The following IFT80 variants were observed in gnomAD, a reference collection of about 807,000 sequenced individuals.
IFT80 encodes the protein intraflagellar transport 80, also known as intraflagellar transport protein 80 homolog.
In IFT80, 79 loss-of-function variants were observed where a neutral mutation model predicts 107.9. The observed-to-expected ratio is 0.73, with a 90% CI of 0.61 to 0.88. The LOEUF is 0.88. IFT80 is among the 40% of genes least tolerant of loss of function. The pLI, the probability that IFT80 is intolerant of heterozygous loss-of-function variation, is 0.00. For missense variants in IFT80, 797 were observed against 914.2 expected (o/e 0.87, Z 1.65); for synonymous variants, 299 against 300.9 (o/e 0.99, Z 0.07).
intron 10 of IFT80, among the ~76,000 whole-genome samples, chr3:160,307,224 T>G (rs1319762681): frequency 1.3e-5 from 2 of 152,154 alleles, no homozygotes; most frequent in East Asian, 3.8e-4. Flanking sequence ...CACAGCTCAC[T>G]GCACCCTAGA....
chr3:160,399,067 A>C (rs1714131498), intron 1 of IFT80, 79 bp downstream of exon 1: 1 of 152,270 alleles, frequency 6.6e-6, no homozygotes, highest in Non-Finnish European at 1.5e-5. Flanking sequence ...CACAGCTTCA[A>C]AACAGGAAAG....
chr3:160,263,940 G>A (rs1234305474), intron 19 of IFT80, among the ~76,000 whole-genome samples: 1 of 152,102 alleles, frequency 6.6e-6, no homozygotes, highest in African/African-American at 2.4e-5. Flanking sequence ...CAAAGTGCTG[G>A]GATTACAGGC....
chr3:160,324,059 C>T (rs947465488), intron 8 of IFT80, among the ~76,000 whole-genome samples: 12 of 152,160 alleles, frequency 7.9e-5, no homozygotes, highest in Non-Finnish European at 1.5e-4. Context: ...GACGCATACA[C>T]TCTCCCAAGA....
rs559694666 is a variant in IFT80 at position 160,267,220 on chromosome 3, G to A, written c.2223+1193C>T. Among the ~76,000 whole-genome samples the A allele has an allele frequency of 1.1e-4, 17 of 152,202 alleles. No homozygotes were observed. In the South Asian group the frequency reaches 1.7e-3, roughly 15 times the overall value. ...GCAAAAATGTAGATCAAGACACTACGTATTCTAAATACAATAAGTAGATAA... is the reference window on the plus strand; with the variant it reads ...GCAAAAATGTAGATCAAGACACTACATATTCTAAATACAATAAGTAGATAA... On this transcript the variant is annotated intron_variant, in intron 19 of 19. Transcript: ENST00000326448.
Position 160,279,382 on chromosome 3 carries a change from A to G in IFT80, c.1665-18T>C. 1 of 1,606,412 alleles carries G rather than the reference A, an allele frequency of 6.2e-7. No homozygotes were observed. The highest frequency in any genetic ancestry group is 1.1e-5 in the South Asian group (1 of 90,868). On this transcript the variant is annotated intron_variant, in intron 15 of 19. Coordinates refer to ENST00000326448, the MANE Select transcript of IFT80 (RefSeq NM_020800.3). ...TAAATTCACTGTTGAAAAAAAAAGC[A>G]AAGTACAATTTAAAGTTGTATTCTG...
intron 13 of IFT80, among the ~76,000 whole-genome samples, chr3:160,285,506 C>T (rs774112541): frequency 1.1e-4 from 16 of 152,072 alleles, no homozygotes; most frequent in Non-Finnish European, 1.8e-4. Context: ...CTGGTAAGTG[C>T]TAAAATTTTA....
chr3:160,396,902 A>G (rs1270864293), intron 1 of IFT80, among the ~76,000 whole-genome samples: 1 of 151,840 alleles, frequency 6.6e-6, no homozygotes. Context: ...ATTTAAGTCT[A>G]CTCTGTAGCT....
chr3:160,376,596 C>G (rs937697354), intron 4 of IFT80, among the ~76,000 whole-genome samples: 2 of 152,216 alleles, frequency 1.3e-5, no homozygotes, highest in African/African-American at 4.8e-5. Context: ...TAATTTCCCT[C>G]TCTTCCACTG....
At chr3:160,317,152 A>G (rs113576930) in intron 9 of IFT80, among the ~76,000 whole-genome samples, 313 of 152,204 alleles carry the variant, frequency 2.1e-3, no homozygotes, top group African/African-American at 7.1e-3. Context: ...ACTTAGCCCA[A>G]TGCCTGGCAA....
chr3:160,261,347 G>C (rs1712809192), intron 19 of IFT80, among the ~76,000 whole-genome samples: 1 of 151,264 alleles, frequency 6.6e-6, no homozygotes, highest in Non-Finnish European at 1.5e-5. Context: ...GATTGTCTGA[G>C]GTACAAGGAT....
Position 160,381,621 on chromosome 3 carries a change from T to G in IFT80, c.141A>C (p.Thr47=). The G allele has an allele frequency of 6.2e-7, 1 of 1,613,106 alleles. No individual in the cohort carries two copies. Among genetic ancestry groups the G allele is most frequent in the Non-Finnish European group, 8.5e-7 (1 of 1,179,904 alleles). The change falls in exon 3 of 20, where the codon ACA becomes ACC. Residue 47 remains threonine, a synonymous_variant. Coordinates refer to ENST00000326448, the MANE Select transcript of IFT80 (RefSeq NM_020800.3). The stretch of plus-strand genomic sequence containing the variant: ...CATCAGGAAGCTTTACTATTTGAGT[T>G]GTTTCACTGGTTAACAAGTTCCACT... ...IVKWNLLTSE[T]TQIVKLPDDI... is the part of the protein sequence containing the mutation.
intron 18 of IFT80, 38 bp downstream of exon 18, chr3:160,277,268 A>G (rs1714339647): frequency 6.3e-7 from 1 of 1,577,402 alleles, no homozygotes; most frequent in East Asian, 2.2e-5. Flanking sequence ...CATTAAGGTC[A>G]AACAGATTTT....
chr3:160,389,271 T>C (rs1282267338), intron 1 of IFT80, among the ~76,000 whole-genome samples: 1 of 152,202 alleles, frequency 6.6e-6, no homozygotes. Flanking sequence ...TTTTCAGTCA[T>C]CTACTTAGAT....
At chr3:160,382,500 G>T (rs895615770) in intron 2 of IFT80, among the ~76,000 whole-genome samples, 10 of 152,062 alleles carry the variant, frequency 6.6e-5, no homozygotes, top group Admixed American at 5.2e-4. Flanking sequence ...TTTATCAGAA[G>T]AATTTCTATG....
intron 8 of IFT80, among the ~76,000 whole-genome samples, chr3:160,353,052 GC>G (rs1346597782): frequency 1.3e-5 from 2 of 152,076 alleles, no homozygotes; most frequent in Non-Finnish European, 2.9e-5. Context: ...ACTCACCATT[GC>G]CCATAAGATA....
intron 8 of IFT80, among the ~76,000 whole-genome samples, chr3:160,347,206 G>T (rs1365541781): frequency 2.0e-5 from 3 of 152,070 alleles, no homozygotes; most frequent in African/African-American, 7.2e-5. Context: ...TTTAGCTACC[G>T]CCAGGCTGGG....
intron 8 of IFT80, among the ~76,000 whole-genome samples, chr3:160,325,929 C>CA (rs374269412): frequency 6.6e-6 from 1 of 151,868 alleles, no homozygotes; most frequent in Non-Finnish European, 1.5e-5. Context: ...TAGGAATGCT[C>CA]AACCTGTATA....
chr3:160,282,833 T>C (rs888285274), intron 13 of IFT80, among the ~76,000 whole-genome samples: 1 of 152,174 alleles, frequency 6.6e-6, no homozygotes, highest in Admixed American at 6.5e-5. Flanking sequence ...AAAAGATACC[T>C]CTTAAAATAC....
chr3:160,380,091 G>A (rs1712351579), intron 3 of IFT80, among the ~76,000 whole-genome samples: 1 of 149,056 alleles, frequency 6.7e-6, no homozygotes, highest in South Asian at 2.2e-4. Flanking sequence ...AGAGTGCAAT[G>A]GCGCAATCTC....
Sources: allele counts gnomAD v4.1 joint callset (sites outside exome capture counted in the v4.1 genomes callset), GRCh38; gene constraint gnomAD v4.1.1; transcripts MANE v1.5; gene names NCBI Gene and HGNC (gene_info 2026-07-23, HGNC 2026-07-21).